METTL3: variants seen among roughly 807,000 people sequenced by gnomAD.
METTL3 encodes the protein N(6)-adenosine-methyltransferase catalytic subunit METTL3.
METTL3 carries 42 observed loss-of-function variants against 64.3 expected under a neutral mutation model. The ratio of observed to expected loss-of-function variants is 0.65; its 90% CI spans 0.51 to 0.84. METTL3 has a LOEUF of 0.84. Among genes scored for constraint, METTL3 ranks in the 40% least tolerant of loss-of-function variants. METTL3 has a pLI of 0.00. For missense variants in METTL3, 435 were observed against 722.3 expected, an observed-to-expected ratio of 0.60 and a Z score of 4.56; for synonymous variants, 256 against 263.6, an observed-to-expected ratio of 0.97 and a Z score of 0.28.
chr14:21,506,133 A>T (rs1891691029), intron 1 of METTL3, among the ~76,000 whole-genome samples: 1 of 151,938 alleles, frequency 6.6e-6, no homozygotes, highest in Non-Finnish European at 1.5e-5. Flanking sequence ...TTTTCTTTTT[A>T]AAAAAATATA....
intron 1 of METTL3, among the ~76,000 whole-genome samples, chr14:21,510,157 T>C (rs1891798154): frequency 6.6e-6 from 1 of 152,260 alleles, no homozygotes; most frequent in African/African-American, 2.4e-5. Context: ...TTGAATCCTA[T>C]GCTTTTTAAA....
intron 1 of METTL3, chr14:21,507,671 C>G (rs945762434): frequency 6.6e-6 from 1 of 152,012 alleles, no homozygotes; most frequent in Non-Finnish European, 1.5e-5. Flanking sequence ...TTTTTATTTC[C>G]GGTGAGAAAC....
At chr14:21,508,665 C>T (rs1000769783) in intron 1 of METTL3, among the ~76,000 whole-genome samples, 4 of 151,386 alleles carry the variant, frequency 2.6e-5, no homozygotes, top group Non-Finnish European at 5.9e-5. Context: ...GAAACTGAGG[C>T]GGGCAGATCA....
At position 21,499,289 on chromosome 14, in the gene METTL3, G is replaced by T; in HGVS notation, c.1518+17C>A. ...CAACAAAAATGTGGAAGCTTTGGAG[G>T]CCTGGGAAGCACATACCTCAGCTAC... On this transcript the variant is annotated intron_variant, in intron 9 of 10. Transcript: ENST00000298717. The T allele has an allele frequency of 6.2e-7, 1 of 1,613,952 alleles. No individual in the cohort carries two copies. Among genetic ancestry groups the T allele is most frequent in the Non-Finnish European group, 8.5e-7 (1 of 1,179,828 alleles).
At position 21,501,752 on chromosome 14, in the gene METTL3, C is replaced by T. The variant is rs141435966; in HGVS notation, c.875G>A (p.Arg292Gln). 9.7e-5 allele frequency: 156 copies of T among 1,614,086 alleles called. No homozygotes were observed. Among genetic ancestry groups the T allele is most frequent in the Non-Finnish European group, 1.2e-4 (145 of 1,180,046 alleles). Reference sequence around the variant, plus strand: ...CCTGAAGTGCAGCTTGCGACAGGGTCGATCAGCATCACTGGCTTTCATGCA... The same window carrying T: ...CCTGAAGTGCAGCTTGCGACAGGGTTGATCAGCATCACTGGCTTTCATGCA... Reference protein sequence around the residue: ...EECMKASDADRPCRKLHFRRI... With the variant: ...EECMKASDADQPCRKLHFRRI... The change falls in exon 4 of 11, where the codon CGA (arginine) becomes CAA (glutamine). Residue 292 changes from arginine (R) to glutamine (Q), a missense_variant. Physicochemically the swap from Arg to Gln is conservative, Grantham distance 43. This residue lies in a region of METTL3 where 40 missense variants were observed against 89.6 expected (regional missense o/e 0.45). Transcript: ENST00000298717.
chr14:21,505,476 T>C (rs534985498), intron 1 of METTL3, among the ~76,000 whole-genome samples: 29 of 152,338 alleles, frequency 1.9e-4, no homozygotes, highest in African/African-American at 6.3e-4. Context: ...TAACACCTCC[T>C]GGGAGGTTTT....
Position 21,503,742 on chromosome 14 carries a change from C to G in METTL3, c.240G>C (p.Lys80Asn). 1 of 1,614,220 alleles carries G rather than the reference C, an allele frequency of 6.2e-7. No individual in the cohort carries two copies. The change falls in exon 2 of 11, where the codon AAG (lysine) becomes AAC (asparagine). Residue 80 changes from lysine to asparagine, a missense_variant. Transcript: ENST00000298717. ...PELATDPELE[K>N]KLLHHLSDLA... ...GATCAGAGAGGTGGTGTAGCAACTTCTTCTCTAACTCAGGATCTGTAGCTA... is the reference window on the plus strand; with the variant it reads ...GATCAGAGAGGTGGTGTAGCAACTTGTTCTCTAACTCAGGATCTGTAGCTA...
chr14:21,506,332 T>A (rs1891696444), intron 1 of METTL3, among the ~76,000 whole-genome samples: 1 of 151,862 alleles, frequency 6.6e-6, no homozygotes, highest in Admixed American at 6.6e-5. Context: ...GGCGGGCAGA[T>A]CACGAGGTCA....
intron 6 of METTL3, 36 bp downstream of exon 6, chr14:21,500,459 G>A (rs1891534694): frequency 3.8e-6 from 6 of 1,599,510 alleles, no homozygotes; most frequent in East Asian, 2.2e-5. Context: ...CTCTTGTACT[G>A]TATCTGTCCA....
intron 1 of METTL3, 139 bp from the exon 2 acceptor site, chr14:21,504,020 G>C: frequency 1.5e-6 from 1 of 688,974 alleles, no homozygotes; most frequent in Admixed American, 2.8e-5. Context: ...TTTAGCACTA[G>C]ATTACCTATC....
chr14:21,508,819 G>T (rs946730862), intron 1 of METTL3, among the ~76,000 whole-genome samples: 38 of 152,186 alleles, frequency 2.5e-4, no homozygotes, highest in African/African-American at 8.4e-4. Flanking sequence ...ACTTGAACCT[G>T]GGAGGCGGAG....
Position 21,503,756 on chromosome 14 carries a change from G to T in METTL3, c.226C>A (p.Pro76Thr). ...ASAVPELATD[P>T]ELEKKLLHHL... ...TGTAGCAACTTCTTCTCTAACTCAG[G>T]ATCTGTAGCTAATTCAGGAACTGCT... The change falls in exon 2 of 11, where the codon CCT (proline) becomes ACT (threonine). Residue 76 changes from proline to threonine, a missense_variant. Transcript: ENST00000298717. 3 of 1,614,216 alleles carry T rather than the reference G, an allele frequency of 1.9e-6. No homozygotes were observed. Among genetic ancestry groups the T allele is most frequent in the Non-Finnish European group, 2.5e-6 (3 of 1,180,036 alleles).
rs200047733 is a variant in METTL3 at position 21,505,209 on chromosome 14, T to TG, written c.101-1329dup. The stretch of plus-strand genomic sequence containing the variant: ...CTGTAGTCCCAGCTGCTGGGGAGGC[T>TG]GAGGTGGGAGGATTCCACTCTCACC... On this transcript the variant is annotated intron_variant, in intron 1 of 10. Transcript: ENST00000298717. 6.3e-3 allele frequency among the ~76,000 whole-genome samples: 954 copies of TG among 152,316 alleles called. 9 individuals carry two copies. The highest frequency in any genetic ancestry group is 0.022 in the African/African-American group (912 of 41,572).
intron 1 of METTL3, among the ~76,000 whole-genome samples, chr14:21,508,418 C>T (rs1283337016): frequency 1.3e-5 from 2 of 152,008 alleles, no homozygotes; most frequent in African/African-American, 2.4e-5. Context: ...AAATATTAAA[C>T]ATGTTTAGCA....
chr14:21,507,387 C>T (rs570608309), intron 1 of METTL3, among the ~76,000 whole-genome samples: 4 of 151,990 alleles, frequency 2.6e-5, no homozygotes, highest in Non-Finnish European at 4.4e-5. Flanking sequence ...TGGCCGGGCG[C>T]GGTGGCTCAC....
rs1891828526 is a variant in METTL3, at chr14:21,511,184, G to A, written c.40C>T (p.Gln14Ter). 1 of 1,613,978 alleles carries A rather than the reference G, an allele frequency of 6.2e-7. No individual in the cohort carries two copies. Among genetic ancestry groups the A allele is most frequent in the Non-Finnish European group, 8.5e-7 (1 of 1,180,020 alleles). ...TWSSIQAHKKQLDSLRERLQR... is the reference protein window; with the variant it reads ...TWSSIQAHKK ...AGCCTCTCCCGCAGAGAGTCCAGCT[G>A]CTTCTTGTGGGCCTGGATAGAGCTC... Residue 14 changes from glutamine to a stop codon, truncating the protein, a stop_gained, in exon 1 of 11, where the codon CAG (glutamine) becomes TAG (stop). Transcript: ENST00000298717. LOFTEE classifies it high-confidence loss of function.
chr14:21,510,981 CTG>C, intron 1 of METTL3, 141 bp downstream of exon 1: 1 of 919,834 alleles, frequency 1.1e-6, no homozygotes, highest in East Asian at 3.0e-5. Context: ...ACGTCTGCTG[CTG>C]AAGGTGGAGA....
At chr14:21,510,232 T>C (rs552187985) in intron 1 of METTL3, among the ~76,000 whole-genome samples, 3 of 152,346 alleles carry the variant, frequency 2.0e-5, no homozygotes, top group African/African-American at 7.2e-5. Flanking sequence ...ACACTGTAGA[T>C]ACTCAAGAAA....
rs1400763705 is a variant in METTL3 at position 21,503,730 on chromosome 14, G to A, written c.252C>T (p.His84=). ...TDPELEKKLL[H]HLSDLALTLP... is the part of the protein sequence containing the mutation. ...ATGTTAAGGCCAGATCAGAGAGGTG[G>A]TGTAGCAACTTCTTCTCTAACTCAG... The change falls in exon 2 of 11, where the codon CAC becomes CAT. Residue 84 remains histidine (H), a synonymous_variant. Transcript: ENST00000298717. 1 of 1,614,138 alleles carries A rather than the reference G, an allele frequency of 6.2e-7. No individual in the cohort carries two copies. The highest frequency in any genetic ancestry group is 8.5e-7 in the Non-Finnish European group (1 of 1,180,052).
Sources: allele counts gnomAD v4.1 joint callset (sites outside exome capture counted in the v4.1 genomes callset), GRCh38; gene constraint gnomAD v4.1.1; regional missense constraint gnomAD v4.1.1; transcripts MANE v1.5; gene names NCBI Gene and HGNC (gene_info 2026-07-23, HGNC 2026-07-21).